Variants in HYCC1 observed in about 807,000 individuals in gnomAD.
HYCC1 encodes hyccin.
chr7:22,986,386 C>A, the HYCC1 span, among the ~76,000 whole-genome samples: 275 of 152,210 alleles, frequency 1.8e-3, 1 homozygote, highest in Non-Finnish European at 3.1e-3. Flanking sequence ...TCTAAAGGAG[C>A]CAAATGAATT....
the HYCC1 span, among the ~76,000 whole-genome samples, chr7:22,930,172 T>A: frequency 8.9e-6 from 1 of 112,554 alleles, no homozygotes; most frequent in African/African-American, 3.6e-5. Context: ...AAGGGGAACA[T>A]CACACACCGG....
the HYCC1 span, among the ~76,000 whole-genome samples, chr7:22,929,535 T>A: frequency 1.3e-5 from 2 of 151,992 alleles, no homozygotes; most frequent in Admixed American, 1.3e-4. Flanking sequence ...GGGCCAAGGA[T>A]ATGAACAGAC....
the HYCC1 span, chr7:22,935,344 T>C: frequency 2.6e-5 from 4 of 152,192 alleles, no homozygotes; most frequent in African/African-American, 9.7e-5. Context: ...ACTTAGGGGA[T>C]CATTTTTAAT....
chr7:22,945,917 G>GCT, the HYCC1 span: 1 of 1,613,814 alleles, frequency 6.2e-7, no homozygotes, highest in Non-Finnish European at 8.5e-7. Flanking sequence ...CTCACTTTGG[G>GCT]CTCTCTGAGT....
At chr7:22,984,120 A>G in the HYCC1 span, 2 of 868,954 alleles carry the variant, frequency 2.3e-6, no homozygotes, top group East Asian at 5.3e-5. Flanking sequence ...TGCAGAAAGT[A>G]AATTAGTTGT....
At chr7:22,914,263 C>T in the HYCC1 span, among the ~76,000 whole-genome samples, 19 of 152,290 alleles carry the variant, frequency 1.2e-4, no homozygotes, top group East Asian at 5.8e-4. Context: ...AAGTCAATTG[C>T]GGGGACGCCC....
the HYCC1 span, chr7:22,978,486 T>C: frequency 1.3e-6 from 2 of 1,482,322 alleles, no homozygotes; most frequent in Non-Finnish European, 1.9e-6. Flanking sequence ...AGAACTGGAC[T>C]GTATTTGAAT....
the HYCC1 span, among the ~76,000 whole-genome samples, chr7:22,994,384 G>T: frequency 6.6e-6 from 1 of 152,120 alleles, no homozygotes; most frequent in Non-Finnish European, 1.5e-5. Context: ...ATCCATTTGT[G>T]TTAGAAGTTG....
At chr7:23,004,577 T>C in the HYCC1 span, among the ~76,000 whole-genome samples, 6 of 152,176 alleles carry the variant, frequency 3.9e-5, no homozygotes, top group African/African-American at 1.2e-4. Context: ...GTCTTATTTT[T>C]CTTTACATGC....
chr7:22,958,301 A>G, the HYCC1 span, among the ~76,000 whole-genome samples: 1 of 152,144 alleles, frequency 6.6e-6, no homozygotes, highest in Non-Finnish European at 1.5e-5. Flanking sequence ...AGAAGGACTT[A>G]AGAGTATTTT....
At chr7:22,906,202 A>C in the HYCC1 span, among the ~76,000 whole-genome samples, 1 of 152,220 alleles carries the variant, frequency 6.6e-6, no homozygotes, top group Non-Finnish European at 1.5e-5. Flanking sequence ...TGATGTATTA[A>C]ATTTGAAAGT....
chr7:22,978,477 G>T, the HYCC1 span: 441 of 1,562,436 alleles, frequency 2.8e-4, 2 homozygotes, highest in African/African-American at 5.4e-3. Context: ...GTTAATTCAA[G>T]AACTGGACTG....
chr7:23,010,175 G>T, the HYCC1 span, among the ~76,000 whole-genome samples: 2 of 152,152 alleles, frequency 1.3e-5, no homozygotes, highest in African/African-American at 4.8e-5. Context: ...TGATAACAAA[G>T]AAATATACTG....
the HYCC1 span, among the ~76,000 whole-genome samples, chr7:23,005,009 G>A: frequency 6.6e-6 from 1 of 152,124 alleles, no homozygotes; most frequent in Non-Finnish European, 1.5e-5. Flanking sequence ...GTTTCACCGT[G>A]TTAGTCAGGA....
At chr7:23,010,060 T>G in the HYCC1 span, among the ~76,000 whole-genome samples, 1 of 152,226 alleles carries the variant, frequency 6.6e-6, no homozygotes, top group Admixed American at 6.5e-5. Flanking sequence ...GGAATTGTTC[T>G]GAGGGGTATC....
chr7:22,960,512 C>A, the HYCC1 span: 1 of 957,922 alleles, frequency 1.0e-6, no homozygotes, highest in East Asian at 2.4e-5. Context: ...CAGGCTTATA[C>A]AAAGAGGCTC....
the HYCC1 span, chr7:22,960,118 T>C: frequency 2.4e-6 from 2 of 839,298 alleles, no homozygotes; most frequent in Middle Eastern, 3.1e-4. Flanking sequence ...AGATAATAAA[T>C]TAGGAGTTAA....
At chr7:22,985,517 T>C in the HYCC1 span, 1 of 152,286 alleles carries the variant, frequency 6.6e-6, no homozygotes, top group African/African-American at 2.4e-5. Flanking sequence ...AATAGAATTT[T>C]TTTTAAGTTT....
chr7:22,924,834 G>C, the HYCC1 span, among the ~76,000 whole-genome samples: 14 of 152,356 alleles, frequency 9.2e-5, no homozygotes, highest in African/African-American at 3.1e-4. Flanking sequence ...GAAGAGAGTA[G>C]TGGTTCTCCC....
Sources: gnomAD v4.1 joint callset for allele counts (sites outside exome capture counted in the v4.1 genomes callset) on GRCh38, gnomAD v4.1.1 for gene constraint, MANE v1.5 for transcripts, NCBI Gene and HGNC (gene_info 2026-07-23, HGNC 2026-07-21) for gene names.